Variants in OTUD5 observed in about 807,000 individuals in gnomAD.
OTUD5 encodes the protein OTU domain-containing protein 5.
In OTUD5, 2 loss-of-function variants were observed where a neutral mutation model predicts 36.3. The ratio of observed to expected loss-of-function variants is 0.06; its 90% CI spans 0.02 to 0.17. The LOEUF is 0.17. Among genes scored for constraint, OTUD5 ranks in the 10% least tolerant of loss-of-function variants. The pLI, the probability that OTUD5 is intolerant of heterozygous loss-of-function variation, is 1.00. For synonymous variants in OTUD5, 234 were observed against 214.9 expected (o/e 1.09, Z -0.78); for missense variants, 233 against 512.3 (o/e 0.45, Z 5.26).
Position 48,934,800 on chromosome X carries a change from C to T in OTUD5, c.821G>A (p.Arg274Gln). 8.3e-7 allele frequency: 1 copy of T among 1,210,452 alleles called. No individual in the cohort carries two copies. The highest frequency in any genetic ancestry group is 1.1e-6 in the Non-Finnish European group (1 of 894,246). The change falls in exon 4 of 9, where the codon CGG becomes CAG. Residue 274 changes from arginine to glutamine, a missense_variant. By Grantham distance (43) the Arg-to-Gln change is conservative. Around this residue, in one of 3 missense-constraint regions of OTUD5, gnomAD observed 21 missense variants for 161.9 expected, o/e 0.13. Transcript: ENST00000376488. ...GTGGTTGCCATGGCAATTGTTTTTC[C>T]GCTTCCTGTTAATGTAGGTGGTAAA... ...EDFTTYINRKRKNNCHGNHIE... is the reference protein window; with the variant it reads ...EDFTTYINRKQKNNCHGNHIE...
rs905051024 is a variant in OTUD5, at chrX:48,940,632, A to G, written c.688+3558T>C. Reference sequence around the variant, plus strand: ...TCTGCCCACAGAAGCTAGCACCAGGACCCTGGTCAGGGTTAGAGGTTTCTG... The same window carrying G: ...TCTGCCCACAGAAGCTAGCACCAGGGCCCTGGTCAGGGTTAGAGGTTTCTG... On this transcript the variant is annotated intron_variant, in intron 2 of 8. Coordinates refer to ENST00000376488, the MANE Select transcript of OTUD5 (RefSeq NM_001136157.2). 5 of 111,879 alleles carry G rather than the reference A, an allele frequency of 4.5e-5. No individual in the cohort carries two copies. In the Admixed American group the frequency reaches 4.7e-4, roughly 11 times the overall value. The allele number at this position is 111,879 out of a possible 1,213,427, so 9.2% of individuals were successfully genotyped here.
At chrX:48,939,976 T>G (rs782264417) in intron 2 of OTUD5, 15 of 113,851 alleles carry the variant, frequency 1.3e-4, no homozygotes, top group African/African-American at 4.8e-4. Flanking sequence ...CAAACCACAC[T>G]AACGTGTGTA....
intron 1 of OTUD5, among the ~76,000 whole-genome samples, chrX:48,947,225 C>CA (rs1293941922): frequency 1.7e-4 from 18 of 109,037 alleles, no homozygotes; most frequent in East Asian, 2.9e-4. Flanking sequence ...CTAAAAAATA[C>CA]AAAAAAAAAT....
At chrX:48,942,694 G>A (rs1475862994) in intron 2 of OTUD5, among the ~76,000 whole-genome samples, 2 of 107,629 alleles carry the variant, frequency 1.9e-5, no homozygotes, top group African/African-American at 6.8e-5. Flanking sequence ...GAATAGAGAG[G>A]AGACCATTCA....
At chrX:48,932,686 G>A (rs1183509486) in intron 5 of OTUD5, among the ~76,000 whole-genome samples, 1 of 111,133 alleles carries the variant, frequency 9.0e-6, no homozygotes, top group Non-Finnish European at 1.9e-5. Flanking sequence ...GCTCATGCCT[G>A]TAATTCCAGC....
At chrX:48,957,934 G>A (rs1340020187), upstream of OTUD5, 13 of 523,738 alleles carry the variant, frequency 2.5e-5, no homozygotes, top group East Asian at 1.3e-3. Context: ...CCCCCTCGCA[G>A]GTTCTTGCAC....
intron 5 of OTUD5, among the ~76,000 whole-genome samples, chrX:48,930,414 A>G (rs782370624): frequency 1.4e-4 from 16 of 112,120 alleles, no homozygotes; most frequent in Non-Finnish European, 2.4e-4. Context: ...AGAAGGCTAG[A>G]ATGAAGCATG....
At position 48,934,666 on chromosome X, in the gene OTUD5, C is replaced by T. The variant is rs1482949052; in HGVS notation, c.910+45G>A. 4.2e-6 allele frequency: 5 copies of T among 1,204,498 alleles called. No individual in the cohort carries two copies. In the African/African-American group the frequency reaches 5.3e-5, roughly 13 times the overall value. ...CACAGCAGGCCAGGTTGGGCAGGCT[C>T]GAATGAGGCACCATCTTTCCCTCAC... On this transcript the variant is annotated intron_variant, in intron 4 of 8. Coordinates refer to ENST00000376488, the MANE Select transcript of OTUD5 (RefSeq NM_001136157.2).
intron 1 of OTUD5, among the ~76,000 whole-genome samples, chrX:48,949,307 G>C (rs1344600401): frequency 8.9e-6 from 1 of 112,149 alleles, no homozygotes; most frequent in African/African-American, 3.2e-5. Context: ...CAGCACTTTG[G>C]GAGGCTAAGG....
chrX:48,936,873 C>T (rs2063837284), intron 2 of OTUD5, among the ~76,000 whole-genome samples: 1 of 111,621 alleles, frequency 9.0e-6, no homozygotes, highest in African/African-American at 3.3e-5. Context: ...GATGGGATCT[C>T]CCTGGGGCAT....
chrX:48,925,147 G>A (rs2063644725), intron 6 of OTUD5, among the ~76,000 whole-genome samples: 1 of 109,335 alleles, frequency 9.1e-6, no homozygotes, highest in Non-Finnish European at 1.9e-5. Context: ...GCGTGGTGGT[G>A]GGCGCCTGTA....
At chrX:48,925,712 T>G (rs1602367395) in intron 6 of OTUD5, 135 bp downstream of exon 6, 6 of 494,902 alleles carry the variant, frequency 1.2e-5, no homozygotes, top group East Asian at 3.7e-5. Context: ...AAGACCAAGA[T>G]GAGTTACAGA....
intron 6 of OTUD5, among the ~76,000 whole-genome samples, 188 bp downstream of exon 6, chrX:48,925,659 T>C (rs1360475693): frequency 8.9e-6 from 1 of 112,985 alleles, no homozygotes; most frequent in African/African-American, 3.2e-5. Context: ...TAAGTGCCTG[T>C]TCTGCACAAG....
At chrX:48,957,743 CGGCGGCGGT>C (rs1261092673), upstream of OTUD5, 176 of 773,697 alleles carry the variant, frequency 2.3e-4, no homozygotes, top group African/African-American at 3.1e-3. Context: ...GCGGCGGCGG[CGGCGGCGGT>C]GGCGGCGCGC....
chrX:48,942,968 C>T (rs144925032), intron 2 of OTUD5, among the ~76,000 whole-genome samples: 4 of 110,854 alleles, frequency 3.6e-5, no homozygotes, highest in Admixed American at 9.7e-5. Context: ...GCCTAAAACA[C>T]CCCAGCCCAC....
chrX:48,957,722 CGGAGGA>C (rs781836892), upstream of OTUD5: 4 of 688,727 alleles, frequency 5.8e-6, no homozygotes, highest in South Asian at 6.2e-5. Context: ...CCCTCGGCGG[CGGAGGA>C]GGCGGCGGCG....
chrX:48,929,996 C>T (rs1273260360), intron 5 of OTUD5, among the ~76,000 whole-genome samples: 8 of 108,948 alleles, frequency 7.3e-5, no homozygotes, highest in Non-Finnish European at 1.3e-4. Context: ...ACCAGCTTCT[C>T]GGGAGGCTGA....
chrX:48,952,055 T>TA (rs1272381275), intron 1 of OTUD5, among the ~76,000 whole-genome samples: 104 of 101,464 alleles, frequency 1.0e-3, no homozygotes, highest in African/African-American at 2.4e-3. Context: ...GACTCCACCT[T>TA]AAAAAAAAAA....
intron 1 of OTUD5, among the ~76,000 whole-genome samples, chrX:48,948,310 T>C (rs181036685): frequency 2.6e-3 from 294 of 111,293 alleles, no homozygotes; most frequent in Non-Finnish European, 4.5e-3. Context: ...GATGGCACCA[T>C]TGCACCCCAG....
Sources: allele counts gnomAD v4.1 joint callset (sites outside exome capture counted in the v4.1 genomes callset), GRCh38; gene constraint gnomAD v4.1.1; regional missense constraint gnomAD v4.1.1; transcripts MANE v1.5; gene names NCBI Gene and HGNC (gene_info 2026-07-23, HGNC 2026-07-21).